The following NLGN4X variants were observed in gnomAD, a reference collection of about 807,000 sequenced individuals.
The protein encoded by NLGN4X is neuroligin-4, X-linked.
NLGN4X carries 3 observed loss-of-function variants against 40.3 expected under a neutral mutation model. That is an observed-to-expected ratio of 0.07 (90% CI 0.03 to 0.19). The LOEUF is 0.19. Among genes scored for constraint, NLGN4X ranks in the 10% least tolerant of loss-of-function variants. NLGN4X has a pLI of 1.00. For synonymous variants in NLGN4X, 270 were observed against 306.8 expected (o/e 0.88, Z 1.25); for missense variants, 382 against 708.3 (o/e 0.54, Z 5.23).
chrX:6,101,976 AT>A (rs1251183608), intron 2 of NLGN4X, among the ~76,000 whole-genome samples: 2 of 109,146 alleles, frequency 1.8e-5, no homozygotes, highest in South Asian at 8.2e-4. Context: ...CACCTAGCTA[AT>A]TTTTTTGTAT....
intron 3 of NLGN4X, among the ~76,000 whole-genome samples, chrX:5,934,458 T>A (rs1177669773): frequency 3.6e-5 from 4 of 111,964 alleles, no homozygotes; most frequent in African/African-American, 1.3e-4. Context: ...ACTCGAATGA[T>A]CAATATGACA....
intron 3 of NLGN4X, among the ~76,000 whole-genome samples, chrX:5,962,916 T>C (rs1232434237): frequency 9.1e-6 from 1 of 109,539 alleles, no homozygotes; most frequent in African/African-American, 3.4e-5. Flanking sequence ...AATAAATGTC[T>C]GTTGTTTATT....
chrX:5,897,310 T>A (rs965051140), intron 5 of NLGN4X, among the ~76,000 whole-genome samples: 37 of 111,886 alleles, frequency 3.3e-4, no homozygotes, highest in African/African-American at 1.1e-3. Context: ...AATGAAAGAA[T>A]CCTGGATCAC....
chrX:5,898,964 C>A (rs1193175782), intron 5 of NLGN4X, among the ~76,000 whole-genome samples: 1 of 112,004 alleles, frequency 8.9e-6, no homozygotes, highest in East Asian at 2.8e-4. Flanking sequence ...CAAATAACTA[C>A]CAACTGCAAC....
At position 6,043,160 on chromosome X, in the gene NLGN4X, A is replaced by ACACACACAC. The variant is rs33946128; in HGVS notation, c.473-13729_473-13728insGTGTGTGTG. Among the ~76,000 whole-genome samples, 173 of 100,891 alleles carry ACACACACAC rather than the reference A, an allele frequency of 1.7e-3. 3 individuals carry two copies. The East Asian group carries it at 0.029, about 17-fold the overall frequency. The allele number at this position is 100,891 out of a possible 115,157, so 87.6% of individuals were successfully genotyped here. ...ACACACACACACACACACACACACA[A>ACACACACAC]ACACACGTATATATATTAACCTCTA... is the stretch of plus-strand genomic sequence containing the variant. On this transcript the variant is annotated intron_variant, in intron 2 of 5. Transcript: ENST00000381095.
At chrX:6,022,784 T>TCC (rs2036589396) in intron 3 of NLGN4X, among the ~76,000 whole-genome samples, 1 of 111,424 alleles carries the variant, frequency 9.0e-6, no homozygotes, top group Non-Finnish European at 1.9e-5. Flanking sequence ...CAGCCCACCC[T>TCC]CCCTCAATTT....
At chrX:6,129,262 T>C (rs779577502) in intron 2 of NLGN4X, among the ~76,000 whole-genome samples, 2 of 112,434 alleles carry the variant, frequency 1.8e-5, no homozygotes, top group Non-Finnish European at 3.8e-5. Context: ...TGTTGCTTTC[T>C]TCAGCAGCTT....
chrX:6,082,966 T>G lies in NLGN4X; in HGVS notation c.473-53534A>C, dbSNP rs1449832075. On this transcript the variant is annotated intron_variant, in intron 2 of 5. Coordinates refer to ENST00000381095, the MANE Select transcript of NLGN4X (RefSeq NM_181332.3). The stretch of plus-strand genomic sequence containing the variant: ...ATGATGCGTTTTTTTCTTTTTTTTT[T>G]TTTTTTTTTTTGAGACGGAGTCTCG... Among the ~76,000 whole-genome samples the G allele has an allele frequency of 5.6e-5, 5 of 89,637 alleles. No homozygotes were observed. In the East Asian group the frequency reaches 1.7e-3, roughly 30 times the overall value. The allele number at this position is 89,637 out of a possible 115,157, so 77.8% of individuals were successfully genotyped here.
intron 3 of NLGN4X, among the ~76,000 whole-genome samples, chrX:5,981,049 C>G (rs893176236): frequency 9.0e-6 from 1 of 111,333 alleles, no homozygotes; most frequent in Non-Finnish European, 1.9e-5. Context: ...TTTGTGAACA[C>G]AGTCTGTCTC....
chrX:5,992,651 C>T (rs1362072701), intron 3 of NLGN4X, among the ~76,000 whole-genome samples: 5 of 111,126 alleles, frequency 4.5e-5, no homozygotes, highest in Non-Finnish European at 5.7e-5. Flanking sequence ...CACAGTTCTT[C>T]GGGGTGTACA....
intron 2 of NLGN4X, among the ~76,000 whole-genome samples, chrX:6,131,254 T>G (rs1266997932): frequency 9.0e-6 from 1 of 111,699 alleles, no homozygotes; most frequent in Non-Finnish European, 1.9e-5. Context: ...CTTCCCTGTA[T>G]ATGTTACTCT....
At chrX:5,936,570 G>C (rs907900956) in intron 3 of NLGN4X, among the ~76,000 whole-genome samples, 1 of 111,786 alleles carries the variant, frequency 8.9e-6, no homozygotes, top group African/African-American at 3.3e-5. Context: ...GAATGAACAC[G>C]TGGGAGTTGT....
chrX:6,210,417 C>T (rs1342273514), intron 1 of NLGN4X, among the ~76,000 whole-genome samples: 4 of 110,850 alleles, frequency 3.6e-5, no homozygotes, highest in South Asian at 7.6e-4. Flanking sequence ...AAGACCGCAT[C>T]GAGCTATGAT....
chrX:6,102,046 G>A (rs903698709), intron 2 of NLGN4X, among the ~76,000 whole-genome samples: 5 of 110,980 alleles, frequency 4.5e-5, no homozygotes, highest in Non-Finnish European at 9.4e-5. Flanking sequence ...TCCCGACCTC[G>A]TGATCCGCCT....
chrX:5,909,702 T>C (rs763446028), intron 3 of NLGN4X, among the ~76,000 whole-genome samples: 6 of 106,559 alleles, frequency 5.6e-5, no homozygotes, highest in Non-Finnish European at 7.8e-5. Context: ...AATATGTGCA[T>C]GTATACAAAG....
chrX:6,193,277 C>T (rs1602399435), intron 1 of NLGN4X, among the ~76,000 whole-genome samples: 1 of 110,526 alleles, frequency 9.0e-6, no homozygotes, highest in East Asian at 2.9e-4. Context: ...GGCGCAGTGG[C>T]GGGCGCCTGT....
intron 2 of NLGN4X, among the ~76,000 whole-genome samples, chrX:6,073,900 C>A (rs2038129118): frequency 9.2e-6 from 1 of 108,739 alleles, no homozygotes; most frequent in Admixed American, 1.0e-4. Flanking sequence ...AAGGCTGTGC[C>A]AGATGTAAGA....
chrX:5,922,204 T>C (rs2033096080), intron 3 of NLGN4X, among the ~76,000 whole-genome samples: 1 of 111,506 alleles, frequency 9.0e-6, no homozygotes, highest in Admixed American at 9.6e-5. Flanking sequence ...CCTTTTGCTT[T>C]GTGTGTCAGA....
intron 3 of NLGN4X, among the ~76,000 whole-genome samples, chrX:5,999,835 A>G (rs1423026082): frequency 8.9e-6 from 1 of 112,046 alleles, no homozygotes; most frequent in African/African-American, 3.2e-5. Context: ...TTACCATTGG[A>G]AGAAAACAAG....
Sources: gnomAD v4.1 joint callset for allele counts (sites outside exome capture counted in the v4.1 genomes callset) on GRCh38, gnomAD v4.1.1 for gene constraint, MANE v1.5 for transcripts, NCBI Gene and HGNC (gene_info 2026-07-23, HGNC 2026-07-21) for gene names.